The following BACH1 variants were observed in gnomAD, a reference collection of about 807,000 sequenced individuals.
BACH1 encodes transcription regulator protein BACH1.
In BACH1, 35 loss-of-function variants were observed where a neutral mutation model predicts 52.9. The ratio of observed to expected loss-of-function variants is 0.66; its 90% CI spans 0.51 to 0.88. The LOEUF (loss-of-function observed/expected upper bound fraction) is 0.88. Among genes scored for constraint, BACH1 ranks in the 40% least tolerant of loss-of-function variants. The probability of loss-of-function intolerance (pLI) is 0.00; values close to 1 mark genes in which losing one functional copy is unlikely to be tolerated. For synonymous variants in BACH1, 321 were observed against 319.6 expected (o/e 1.00, Z -0.05); for missense variants, 808 against 872.6 (o/e 0.93, Z 0.93).
At chr21:29,337,924 C>T (rs756159380) in intron 4 of BACH1, among the ~76,000 whole-genome samples, 5 of 151,592 alleles carry the variant, frequency 3.3e-5, no homozygotes, top group South Asian at 4.2e-4. Flanking sequence ...AGCGAAACTC[C>T]GTCTTAAAAC....
At chr21:29,336,197 G>C (rs1318149305) in intron 4 of BACH1, among the ~76,000 whole-genome samples, 1 of 152,044 alleles carries the variant, frequency 6.6e-6, no homozygotes, top group Non-Finnish European at 1.5e-5. Flanking sequence ...GAAGTATCCA[G>C]GCTGGATTTC....
Position 29,305,395 on chromosome 21 carries a change from A to G in BACH1, c.-61+6442A>G, listed in dbSNP as rs117518932. ...GACTGTCACAAGTGCTATTCAAACT[A>G]TAGGTATTTTTTTTTAGATTTCTAA... On this transcript the variant is annotated intron_variant, in intron 1 of 4. Coordinates refer to ENST00000286800, the MANE Select transcript of BACH1 (RefSeq NM_001186.4). 3 of 152,208 alleles carry G rather than the reference A, an allele frequency of 2.0e-5. No individual in the cohort carries two copies. In the East Asian group the frequency reaches 5.8e-4, roughly 29 times the overall value. The allele number at this position is 152,208 out of a possible 1,614,324, so 9.4% of individuals were successfully genotyped here.
chr21:29,326,272 T>C lies in BACH1; in HGVS notation c.448T>C (p.Cys150Arg). 6.2e-7 allele frequency: 1 copy of C among 1,614,084 alleles called. No individual in the cohort carries two copies. The highest frequency in any genetic ancestry group is 8.5e-7 in the Non-Finnish European group (1 of 1,180,006). The change falls in exon 3 of 5, where the codon TGT becomes CGT. Residue 150 changes from cysteine to arginine, a missense_variant. Cys to Arg is a radical substitution (Grantham distance 180). Coordinates refer to ENST00000286800, the MANE Select transcript of BACH1 (RefSeq NM_001186.4). ...CPRKKCFSSH[C>R]QKTDLKLSLL... is the part of the protein sequence containing the mutation. ...AAGAAAAAAATGCTTTTCATCACAC[T>C]GTCAGAAAACAGACCTTAAACTTTC... is the stretch of plus-strand genomic sequence containing the variant.
At chr21:29,346,432 G>T (rs2089168617), downstream of BACH1, among the ~76,000 whole-genome samples, 1 of 152,180 alleles carries the variant, frequency 6.6e-6, no homozygotes, top group Non-Finnish European at 1.5e-5. Flanking sequence ...CTTATCTGCC[G>T]AGTCAGCTCT....
chr21:29,310,847 G>A (rs2088712982), intron 1 of BACH1, among the ~76,000 whole-genome samples: 1 of 152,240 alleles, frequency 6.6e-6, no homozygotes, highest in Non-Finnish European at 1.5e-5. Flanking sequence ...AAATTGGGAA[G>A]AGAGGGAAGA....
intron 4 of BACH1, among the ~76,000 whole-genome samples, chr21:29,332,465 T>C (rs779091498): frequency 9.2e-5 from 14 of 152,204 alleles, no homozygotes; most frequent in African/African-American, 2.9e-4. Context: ...TTTGGACTCT[T>C]TGGCTTCAAG....
intron 2 of BACH1, among the ~76,000 whole-genome samples, chr21:29,325,187 G>T (rs372111365): frequency 6.6e-6 from 1 of 151,986 alleles, no homozygotes; most frequent in Non-Finnish European, 1.5e-5. Flanking sequence ...CCGAGATCGC[G>T]CCACTGCACT....
At chr21:29,318,546 G>C (rs1018609952) in intron 1 of BACH1, among the ~76,000 whole-genome samples, 2 of 152,208 alleles carry the variant, frequency 1.3e-5, no homozygotes, top group Admixed American at 1.3e-4. Flanking sequence ...TCTCGCCCAG[G>C]GGCAGCAAAT....
intron 3 of BACH1, 95 bp downstream of exon 3, chr21:29,327,488 A>G: frequency 6.8e-7 from 1 of 1,472,102 alleles, no homozygotes; most frequent in Non-Finnish European, 9.1e-7. Flanking sequence ...GGATATAATC[A>G]GGTTCAGGGA....
intron 2 of BACH1, among the ~76,000 whole-genome samples, chr21:29,354,168 T>C (rs1026995121): frequency 1.3e-5 from 2 of 152,114 alleles, no homozygotes; most frequent in Admixed American, 1.3e-4. Flanking sequence ...CATGGTTTAT[T>C]TGTAGAGCTG....
intron 1 of BACH1, among the ~76,000 whole-genome samples, chr21:29,305,011 T>A (rs564902904): frequency 6.6e-6 from 1 of 152,340 alleles, no homozygotes; most frequent in Non-Finnish European, 1.5e-5. Context: ...ACAGTGGTTA[T>A]CTGATCTTGG....
At chr21:29,352,016 A>T (rs139579158) in intron 2 of BACH1, among the ~76,000 whole-genome samples, 1 of 152,262 alleles carries the variant, frequency 6.6e-6, no homozygotes, top group African/African-American at 2.4e-5. Context: ...ATGGGGAGGA[A>T]TAGAAAGAAC....
At chr21:29,346,933 G>A (rs1344943129), downstream of BACH1, among the ~76,000 whole-genome samples, 1 of 152,216 alleles carries the variant, frequency 6.6e-6, no homozygotes. Context: ...GAAGGAGGTT[G>A]TCACAGTGAG....
At position 29,344,960 on chromosome 21, in the gene BACH1, TATA is replaced by T. The variant is rs1488380928; in HGVS notation, c.*2130_*2132del. The T allele has an allele frequency of 6.6e-6, 1 of 152,670 alleles. No individual in the cohort carries two copies. The highest frequency in any genetic ancestry group is 1.9e-4 in the East Asian group (1 of 5,206). 9.5% of individuals were successfully genotyped at this position (152,670 alleles called of 1,614,324 possible). Reference sequence around the variant, plus strand: ...AATGTAGTTGTCTCCAGAGCTTAAATATAATTTGTAAAGCACTTGGTTTAAATT... The same window carrying T: ...AATGTAGTTGTCTCCAGAGCTTAAATATTTGTAAAGCACTTGGTTTAAATT... On this transcript the variant is annotated 3_prime_UTR_variant, in exon 5 of 5. Coordinates refer to ENST00000286800, the MANE Select transcript of BACH1 (RefSeq NM_001186.4).
intron 1 of BACH1, among the ~76,000 whole-genome samples, chr21:29,317,673 G>A (rs951525824): frequency 6.6e-6 from 1 of 152,206 alleles, no homozygotes; most frequent in Non-Finnish European, 1.5e-5. Context: ...AGATGACGTA[G>A]GGTTTTTGTT....
chr21:29,329,299 C>T (rs1470085455), intron 3 of BACH1, among the ~76,000 whole-genome samples, 188 bp from the exon 4 acceptor site: 1 of 151,796 alleles, frequency 6.6e-6, no homozygotes, highest in African/African-American at 2.4e-5. Flanking sequence ...GACCCTGTCT[C>T]CAAAAAAATA....
chr21:29,335,479 T>TA (rs2089033868), intron 4 of BACH1, among the ~76,000 whole-genome samples: 1 of 151,780 alleles, frequency 6.6e-6, no homozygotes, highest in South Asian at 2.1e-4. Context: ...AATCCTCACT[T>TA]ACTTACAGTC....
chr21:29,346,842 T>G (rs1337475647), downstream of BACH1, among the ~76,000 whole-genome samples: 2 of 125,930 alleles, frequency 1.6e-5, no homozygotes, highest in African/African-American at 3.5e-5. Context: ...CTTTGAAAGA[T>G]TGTAGTCTGA....
At chr21:29,342,153 A>G (rs181814787) in intron 4 of BACH1, among the ~76,000 whole-genome samples, 1 of 152,332 alleles carries the variant, frequency 6.6e-6, no homozygotes, top group East Asian at 1.9e-4. Flanking sequence ...TAGAGAAATT[A>G]TGTGTGCACC....
Sources: gnomAD v4.1 joint callset for allele counts (sites outside exome capture counted in the v4.1 genomes callset) on GRCh38, gnomAD v4.1.1 for gene constraint, MANE v1.5 for transcripts, NCBI Gene and HGNC (gene_info 2026-07-23, HGNC 2026-07-21) for gene names.